The following VPS35 variants were observed in gnomAD, a reference collection of about 807,000 sequenced individuals.
VPS35 encodes vacuolar protein sorting-associated protein 35.
In VPS35, 21 loss-of-function variants were observed where a neutral mutation model predicts 98.1. That is an observed-to-expected ratio of 0.21 (90% CI 0.15 to 0.31). The LOEUF is 0.31. Ranked by LOEUF, VPS35 falls within the 10% of genes least tolerant of loss-of-function variation. The probability of loss-of-function intolerance (pLI) is 1.00; values close to 1 mark genes in which losing one functional copy is unlikely to be tolerated. For synonymous variants in VPS35, 268 were observed against 318.2 expected (o/e 0.84, Z 1.68); for missense variants, 554 against 950.8 (o/e 0.58, Z 5.49).
In VPS35 at chr16:46,677,418, C is replaced by T. The variant is rs1567267740; in HGVS notation, c.721-20G>A. 1.3e-6 allele frequency: 2 copies of T among 1,597,126 alleles called. No homozygotes were observed. The highest frequency in any genetic ancestry group is 1.7e-6 in the Non-Finnish European group (2 of 1,164,670). On this transcript the variant is annotated intron_variant, in intron 6 of 16. Transcript: ENST00000299138. ...AACAATCTAAAAGAGAAAAAACACA[C>T]ATAAGGGTTAAAATCTGTTTTCAAA...
At chr16:46,685,015 G>C (rs1201320211) in intron 1 of VPS35, among the ~76,000 whole-genome samples, 1 of 152,162 alleles carries the variant, frequency 6.6e-6, no homozygotes, top group African/African-American at 2.4e-5. Context: ...TACCAGGAGA[G>C]AGGCTGAGGG....
intron 13 of VPS35, among the ~76,000 whole-genome samples, chr16:46,668,015 C>T (rs537623365): frequency 4.6e-5 from 7 of 152,302 alleles, no homozygotes; most frequent in Non-Finnish European, 8.8e-5. Flanking sequence ...GAATGATAAG[C>T]TGGCCTAATA....
chr16:46,672,704 C>G (rs1314462078), intron 10 of VPS35, among the ~76,000 whole-genome samples: 1 of 152,166 alleles, frequency 6.6e-6, no homozygotes, highest in East Asian at 1.9e-4. Flanking sequence ...AAACTAGATA[C>G]AGTTTCCAAC....
chr16:46,687,845 CAA>C (rs1204777052), intron 1 of VPS35, among the ~76,000 whole-genome samples: 1 of 152,136 alleles, frequency 6.6e-6, no homozygotes, highest in Non-Finnish European at 1.5e-5. Flanking sequence ...AACGAATACT[CAA>C]GTTTCCTTTC....
chr16:46,665,490 G>A (rs1046515336), intron 13 of VPS35, among the ~76,000 whole-genome samples: 2 of 151,652 alleles, frequency 1.3e-5, no homozygotes, highest in Non-Finnish European at 2.9e-5. Context: ...AGCTACTCAG[G>A]AGGCTGAAAT....
In VPS35 at chr16:46,683,844, C is replaced by T. The variant is rs1444120834; in HGVS notation, c.4-238G>A. ...GGTTCAAGCCATTCTCCTGCCTCAG[C>T]CTCCTAAGTAGCTGGGACTACAAGC... On this transcript the variant is annotated intron_variant, in intron 1 of 16. Coordinates refer to ENST00000299138, the MANE Select transcript of VPS35 (RefSeq NM_018206.6). Among the ~76,000 whole-genome samples, 3 of 152,154 alleles carry T rather than the reference C, an allele frequency of 2.0e-5. No homozygotes were observed. The East Asian group carries it at 5.8e-4, about 29-fold the overall frequency.
At chr16:46,660,835 A>AAG (rs1336974222) in intron 16 of VPS35, 184 bp from the exon 17 acceptor site, 1 of 687,446 alleles carries the variant, frequency 1.5e-6, no homozygotes, top group African/African-American at 1.8e-5. Context: ...AAAAAAAAAA[A>AAG]AAAACAACCC....
chr16:46,685,951 C>T (rs1966304307), intron 1 of VPS35, among the ~76,000 whole-genome samples: 1 of 152,038 alleles, frequency 6.6e-6, no homozygotes, highest in Admixed American at 6.5e-5. Context: ...ATGTACAGTT[C>T]AGTGGCATTA....
chr16:46,664,615 A>G (rs1287169727), intron 13 of VPS35, among the ~76,000 whole-genome samples: 15 of 149,354 alleles, frequency 1.0e-4, no homozygotes, highest in Non-Finnish European at 1.9e-4. Context: ...TCCGCCTCCC[A>G]GGTTCAAGTG....
At chr16:46,688,298 G>T (rs1353794778) in intron 1 of VPS35, 2 of 986,818 alleles carry the variant, frequency 2.0e-6, no homozygotes, top group Non-Finnish European at 1.2e-6. Flanking sequence ...CTAATAAAAT[G>T]CAAGTGACAA....
At chr16:46,688,164 G>A (rs1966351875) in intron 1 of VPS35, 1 of 315,522 alleles carries the variant, frequency 3.2e-6, no homozygotes, top group African/African-American at 2.3e-5. Flanking sequence ...CATTTAAAGT[G>A]AAATCTGTTT....
chr16:46,660,820 CAAAAA>C (rs33973421), intron 16 of VPS35, 169 bp from the exon 17 acceptor site: 2 of 339,648 alleles, frequency 5.9e-6, no homozygotes, highest in Non-Finnish European at 5.4e-6. Context: ...TACTGACTAT[CAAAAA>C]AAAAAAAAAA....
In VPS35 at chr16:46,660,587, G is replaced by A; in HGVS notation, c.2276C>T (p.Ser759Phe). The change falls in exon 17 of 17, where the codon TCC becomes TTC. Residue 759 changes from serine (S) to phenylalanine (F), a missense_variant. Around this residue, in one of 5 missense-constraint regions of VPS35, gnomAD observed 153 missense variants for 211.0 expected, o/e 0.73. Coordinates refer to ENST00000299138, the MANE Select transcript of VPS35 (RefSeq NM_018206.6). ...GTTAATCTGCTCTGTTTCTTCACTG[G>A]ATTCAAGATTCGGGAGGTCTTCTCG... ...KIREDLPNLE[S>F]SEETEQINKH... 1 of 1,614,042 alleles carries A rather than the reference G, an allele frequency of 6.2e-7. No homozygotes were observed.
chr16:46,674,736 T>G (rs1966119400), intron 8 of VPS35, 76 bp from the exon 9 acceptor site: 2 of 1,224,070 alleles, frequency 1.6e-6, no homozygotes, highest in Non-Finnish European at 2.3e-6. Context: ...GACATCTTAT[T>G]CTTTATTGCT....
intron 10 of VPS35, 85 bp from the exon 11 acceptor site, chr16:46,672,557 T>G (rs1360860527): frequency 8.1e-7 from 1 of 1,233,698 alleles, no homozygotes; most frequent in East Asian, 2.4e-5. Context: ...GAATTTGAAA[T>G]TTTTCATTAC....
intron 12 of VPS35, among the ~76,000 whole-genome samples, chr16:46,671,114 T>C (rs1400779679): frequency 2.0e-5 from 3 of 152,064 alleles, no homozygotes; most frequent in Admixed American, 6.6e-5. Flanking sequence ...CCTCATGTGA[T>C]TGTTCTTTAT....
At position 46,659,263 on chromosome 16, in the gene VPS35, G is replaced by A. The variant is rs1965873105; in HGVS notation, c.*1209C>T. Reference sequence around the variant, plus strand: ...GTCAGCCCCAGTCAAAGCATCAGATGACTGCAGCCCCAACCAGTATCTTGT... The same window carrying A: ...GTCAGCCCCAGTCAAAGCATCAGATAACTGCAGCCCCAACCAGTATCTTGT... On this transcript the variant is annotated 3_prime_UTR_variant, in exon 17 of 17. Transcript: ENST00000299138. 1 of 152,326 alleles carries A rather than the reference G, an allele frequency of 6.6e-6. No individual in the cohort carries two copies. 9.4% of individuals were successfully genotyped at this position (152,326 alleles called of 1,614,324 possible). A position where few individuals can be genotyped will look rare whatever the true frequency, so the allele number is the denominator to read the frequency against.
At chr16:46,686,262 C>T (rs1966313128) in intron 1 of VPS35, among the ~76,000 whole-genome samples, 1 of 152,060 alleles carries the variant, frequency 6.6e-6, no homozygotes. Context: ...TATATATATA[C>T]ACACACACTA....
In VPS35 at chr16:46,672,434, C is replaced by G. The variant is rs1172342186; in HGVS notation, c.1199G>C (p.Arg400Thr). The stretch of plus-strand genomic sequence containing the variant: ...AGTGTCAACTGGTATTTTCAAAAGT[C>G]TGGTGAGTTCCTTTGAAACTGCACT... ...TSSAVSKELT[R>T]LLKIPVDTYN... The change falls in exon 11 of 17, where the codon AGA (arginine) becomes ACA (threonine). Residue 400 changes from arginine (R) to threonine (T), a missense_variant. Arg to Thr is a moderately conservative substitution (Grantham distance 71). Transcript: ENST00000299138. 6.2e-7 allele frequency: 1 copy of G among 1,613,040 alleles called. No homozygotes were observed.
Sources: allele counts gnomAD v4.1 joint callset (sites outside exome capture counted in the v4.1 genomes callset), GRCh38; gene constraint gnomAD v4.1.1; regional missense constraint gnomAD v4.1.1; transcripts MANE v1.5; gene names NCBI Gene and HGNC (gene_info 2026-07-23, HGNC 2026-07-21).